ZNRF1: variants seen among roughly 807,000 people sequenced by gnomAD.
ZNRF1 encodes zinc and ring finger 1.
ZNRF1 carries 3 observed loss-of-function variants against 18.4 expected under a neutral mutation model. The observed-to-expected ratio is 0.16, with a 90% CI of 0.07 to 0.42. The LOEUF (loss-of-function observed/expected upper bound fraction) is 0.42, where lower values mean the gene tolerates loss of function less well. Among genes scored for constraint, ZNRF1 ranks in the 10% least tolerant of loss-of-function variants. ZNRF1 has a pLI of 0.99. For missense variants in ZNRF1, 310 were observed against 329.8 expected (o/e 0.94, Z 0.47); for synonymous variants, 157 against 144.2 (o/e 1.09, Z -0.64).
At chr16:75,071,152 T>A (rs1301220668) in intron 1 of ZNRF1, among the ~76,000 whole-genome samples, 1 of 150,110 alleles carries the variant, frequency 6.7e-6, no homozygotes, top group Non-Finnish European at 1.5e-5. Context: ...CAGGCTGGAG[T>A]GCAGTGGTGC....
At chr16:75,046,340 C>A (rs2035514779) in intron 1 of ZNRF1, among the ~76,000 whole-genome samples, 1 of 152,088 alleles carries the variant, frequency 6.6e-6, no homozygotes, top group Non-Finnish European at 1.5e-5. Context: ...TAACCTCTGC[C>A]TCCTGGGTTC....
intron 1 of ZNRF1, among the ~76,000 whole-genome samples, chr16:75,003,448 T>G (rs2034879017): frequency 6.6e-6 from 1 of 152,204 alleles, no homozygotes; most frequent in South Asian, 2.1e-4. Context: ...GTTCATCATC[T>G]CACTTAATCA....
chr16:75,063,459 G>A (rs763507743), intron 1 of ZNRF1, among the ~76,000 whole-genome samples: 2 of 152,268 alleles, frequency 1.3e-5, no homozygotes, highest in East Asian at 3.9e-4. Flanking sequence ...CCTCCATCCT[G>A]CTTGGCATCC....
chr16:75,109,271 G>A lies in ZNRF1; in HGVS notation c.*1571G>A, dbSNP rs979328588. The A allele has an allele frequency of 2.6e-5, 4 of 152,764 alleles. No individual in the cohort carries two copies. The highest frequency in any genetic ancestry group is 2.0e-4 in the Admixed American group (3 of 15,292). The allele number at this position is 152,764 out of a possible 1,614,324, so 9.5% of individuals were successfully genotyped here. ...AGGCAGCTCGGGGCAGGGAGCAGCA[G>A]TGCAGGCCTGGCCTGTGTCCCCGTG... On this transcript the variant is annotated 3_prime_UTR_variant, in exon 5 of 5. Coordinates refer to ENST00000335325, the MANE Select transcript of ZNRF1 (RefSeq NM_032268.5).
At chr16:75,086,264 C>T (rs2036073138) in intron 1 of ZNRF1, among the ~76,000 whole-genome samples, 1 of 152,156 alleles carries the variant, frequency 6.6e-6, no homozygotes, top group South Asian at 2.1e-4. Context: ...ATTGACCCAT[C>T]ACAACAGATA....
chr16:75,035,877 CT>C (rs1292553326), intron 1 of ZNRF1, among the ~76,000 whole-genome samples: 4 of 152,196 alleles, frequency 2.6e-5, no homozygotes, highest in Admixed American at 2.0e-4. Flanking sequence ...TAGTTAAACT[CT>C]GCCATTTTGC....
chr16:75,059,280 C>G (rs1018972143), intron 1 of ZNRF1, among the ~76,000 whole-genome samples: 1 of 105,846 alleles, frequency 9.4e-6, no homozygotes, highest in African/African-American at 3.7e-5. Flanking sequence ...AAGAGTCTCA[C>G]TCTGTCCCCC....
intron 1 of ZNRF1, among the ~76,000 whole-genome samples, chr16:75,073,541 GT>G (rs1313164856): frequency 1.3e-4 from 20 of 152,094 alleles, no homozygotes; most frequent in African/African-American, 4.8e-4. Context: ...GCATACATGG[GT>G]TTTGTTAATC....
chr16:75,082,787 C>A (rs1197027698), intron 1 of ZNRF1, among the ~76,000 whole-genome samples: 1 of 152,184 alleles, frequency 6.6e-6, no homozygotes, highest in African/African-American at 2.4e-5. Context: ...TACCTGAGAT[C>A]AAGTGATCTA....
At chr16:75,026,712 G>C (rs369755623) in intron 1 of ZNRF1, among the ~76,000 whole-genome samples, 1 of 152,058 alleles carries the variant, frequency 6.6e-6, no homozygotes, top group Non-Finnish European at 1.5e-5. Flanking sequence ...GAGGCAGGCA[G>C]ATTACTTGAG....
rs1024722239 is a variant in ZNRF1 at position 75,069,271 on chromosome 16, T to G, written c.425-24301T>G. ...TGGCAGGGGGGTTATTTTTTCCTCT[T>G]ACCCTGCTGTAAATATTCTTCACTG... On this transcript the variant is annotated intron_variant, in intron 1 of 4. Transcript: ENST00000335325. 4.6e-5 allele frequency among the ~76,000 whole-genome samples: 7 copies of G among 152,308 alleles called. No individual in the cohort carries two copies. In the East Asian group the frequency reaches 1.2e-3, roughly 25 times the overall value.
At chr16:75,049,235 C>T (rs1234295880) in intron 1 of ZNRF1, among the ~76,000 whole-genome samples, 1 of 151,794 alleles carries the variant, frequency 6.6e-6, no homozygotes, top group Non-Finnish European at 1.5e-5. Flanking sequence ...AAACTCCTGA[C>T]CTTAGGTGAT....
intron 1 of ZNRF1, among the ~76,000 whole-genome samples, chr16:75,047,772 A>C (rs912036959): frequency 6.6e-6 from 1 of 152,116 alleles, no homozygotes; most frequent in East Asian, 1.9e-4. Flanking sequence ...TGTACTACCA[A>C]CTGGGTAGCT....
Position 75,110,927 on chromosome 16 carries a change from GC to G in ZNRF1, c.*3230del, listed in dbSNP as rs57462002. ...GAGGGCTGAGATTTGTCACCAGTGA[GC>G]CCTTGGCACGGTCTCTGCTCCCCAC... On this transcript the variant is annotated 3_prime_UTR_variant, in exon 5 of 5. Transcript: ENST00000335325. 12,749 of 152,220 alleles carry G rather than the reference GC, an allele frequency of 0.084. 630 individuals are homozygous for G. The highest frequency in any genetic ancestry group is 0.13 in the Admixed American group (2,027 of 15,288). The allele number at this position is 152,220 out of a possible 1,614,324, so 9.4% of individuals were successfully genotyped here.
intron 1 of ZNRF1, among the ~76,000 whole-genome samples, chr16:75,092,192 T>C (rs1034823098): frequency 2.6e-5 from 4 of 151,792 alleles, no homozygotes; most frequent in African/African-American, 7.3e-5. Flanking sequence ...AGAGAAAATA[T>C]ATTTAGTGTT....
intron 1 of ZNRF1, among the ~76,000 whole-genome samples, chr16:75,044,849 A>G (rs990616575): frequency 3.3e-5 from 5 of 152,242 alleles, no homozygotes; most frequent in African/African-American, 1.2e-4. Flanking sequence ...TATGTTAAGC[A>G]GCTTATCTGT....
At chr16:75,097,490 C>T (rs1763593873) in intron 2 of ZNRF1, among the ~76,000 whole-genome samples, 1 of 152,180 alleles carries the variant, frequency 6.6e-6, no homozygotes. Context: ...TTGCCCCCAT[C>T]TTTAAGGCTC....
intron 1 of ZNRF1, among the ~76,000 whole-genome samples, chr16:75,063,067 A>T (rs2145390701): frequency 6.6e-6 from 1 of 152,282 alleles, no homozygotes; most frequent in East Asian, 1.9e-4. Context: ...AATGGGAGGG[A>T]AACTTAGAGG....
intron 1 of ZNRF1, among the ~76,000 whole-genome samples, chr16:75,083,407 G>C (rs530980778): frequency 3.9e-5 from 6 of 152,330 alleles, no homozygotes; most frequent in African/African-American, 1.4e-4. Context: ...TGCCTAGTCT[G>C]ATTCTCTTTC....
Sources: allele counts gnomAD v4.1 joint callset (sites outside exome capture counted in the v4.1 genomes callset), GRCh38; gene constraint gnomAD v4.1.1; transcripts MANE v1.5; gene names NCBI Gene and HGNC (gene_info 2026-07-23, HGNC 2026-07-21).